The following SPOCK1 variants were observed in gnomAD, a reference collection of about 807,000 sequenced individuals.
The protein encoded by SPOCK1 is testican-1.
Under a neutral mutation model 55.3 loss-of-function variants are expected in SPOCK1, and 23 were observed. The observed-to-expected ratio is 0.42, with a 90% CI of 0.30 to 0.59. SPOCK1 has a LOEUF of 0.59. Ranked by LOEUF, SPOCK1 falls within the 20% of genes least tolerant of loss-of-function variation. SPOCK1 has a pLI of 0.22. For missense variants in SPOCK1, 499 were observed against 552.5 expected (o/e 0.90, Z 0.97); for synonymous variants, 226 against 221.0 (o/e 1.02, Z -0.20).
At chr5:137,048,268 G>GGAGTC (rs1298115907) in intron 6 of SPOCK1, among the ~76,000 whole-genome samples, 1 of 121,486 alleles carries the variant, frequency 8.2e-6, no homozygotes, top group Non-Finnish European at 1.7e-5. Flanking sequence ...TTAATGTGTG[G>GGAGTC]GAGTCTAAGT....
At chr5:137,362,534 T>C (rs1449225407) in intron 2 of SPOCK1, among the ~76,000 whole-genome samples, 1 of 151,886 alleles carries the variant, frequency 6.6e-6, no homozygotes, top group Non-Finnish European at 1.5e-5. Context: ...TTCACCATGT[T>C]AGCCAGGATG....
intron 2 of SPOCK1, among the ~76,000 whole-genome samples, chr5:137,453,486 G>A (rs1295775399): frequency 2.0e-5 from 3 of 152,052 alleles, no homozygotes; most frequent in African/African-American, 7.2e-5. Flanking sequence ...AAATATCAAG[G>A]CACTGAAAGC....
chr5:137,066,232 G>A (rs372864863), intron 6 of SPOCK1, among the ~76,000 whole-genome samples: 12 of 152,136 alleles, frequency 7.9e-5, no homozygotes, highest in African/African-American at 2.7e-4. Context: ...TCCACCTCCC[G>A]AGTTCAAGCA....
chr5:137,474,514 T>C (rs1208077161), intron 2 of SPOCK1, among the ~76,000 whole-genome samples: 1 of 152,232 alleles, frequency 6.6e-6, no homozygotes, highest in Non-Finnish European at 1.5e-5. Context: ...CAAGTGCTGA[T>C]AGCGACCTGC....
chr5:137,211,637 T>C (rs1423446862), intron 3 of SPOCK1, among the ~76,000 whole-genome samples: 1 of 152,094 alleles, frequency 6.6e-6, no homozygotes, highest in African/African-American at 2.4e-5. Flanking sequence ...TGGGGACTGG[T>C]CACCAGAAAG....
chr5:137,051,064 C>T (rs1290962042), intron 6 of SPOCK1, among the ~76,000 whole-genome samples: 4 of 152,004 alleles, frequency 2.6e-5, no homozygotes, highest in Admixed American at 6.5e-5. Context: ...TGAATATCGT[C>T]GGAGAGAATA....
At chr5:137,217,481 T>C (rs1475034866) in intron 3 of SPOCK1, among the ~76,000 whole-genome samples, 1 of 152,222 alleles carries the variant, frequency 6.6e-6, no homozygotes, top group African/African-American at 2.4e-5. Flanking sequence ...ACATGGACTC[T>C]GCGATTGCTT....
At chr5:137,371,240 C>A (rs1454355932) in intron 2 of SPOCK1, among the ~76,000 whole-genome samples, 1 of 152,234 alleles carries the variant, frequency 6.6e-6, no homozygotes, top group Non-Finnish European at 1.5e-5. Context: ...AGCTCCCTCA[C>A]GTCCTGGCTG....
chr5:137,391,095 G>A (rs549567847), intron 2 of SPOCK1, among the ~76,000 whole-genome samples: 28 of 151,988 alleles, frequency 1.8e-4, no homozygotes, highest in Middle Eastern at 3.4e-3. Flanking sequence ...GTGTGATGTC[G>A]CCCTCCCTGA....
At chr5:137,351,871 G>C (rs1015918852) in intron 2 of SPOCK1, among the ~76,000 whole-genome samples, 4 of 152,232 alleles carry the variant, frequency 2.6e-5, no homozygotes, top group African/African-American at 7.2e-5. Context: ...TGGGCATGTA[G>C]GAGCATGAAT....
At chr5:137,311,481 T>A (rs527653584) in intron 2 of SPOCK1, among the ~76,000 whole-genome samples, 2 of 152,360 alleles carry the variant, frequency 1.3e-5, no homozygotes, top group Admixed American at 6.5e-5. Context: ...CAAGCATATA[T>A]AACAGATAAG....
At chr5:137,481,879 A>G (rs1753957745) in intron 2 of SPOCK1, among the ~76,000 whole-genome samples, 1 of 151,970 alleles carries the variant, frequency 6.6e-6, no homozygotes, top group Non-Finnish European at 1.5e-5. Flanking sequence ...CTTTAACTCA[A>G]GACTGGAAAG....
At chr5:137,474,334 G>A (rs1052948876) in intron 2 of SPOCK1, among the ~76,000 whole-genome samples, 1 of 152,146 alleles carries the variant, frequency 6.6e-6, no homozygotes, top group African/African-American at 2.4e-5. Context: ...CAATAAATAA[G>A]TAAATGTATT....
At chr5:137,385,053 C>T (rs576799837) in intron 2 of SPOCK1, among the ~76,000 whole-genome samples, 4 of 152,138 alleles carry the variant, frequency 2.6e-5, no homozygotes, top group Admixed American at 6.5e-5. Context: ...GCATGCTTTG[C>T]ACAGTATCAG....
chr5:137,282,544 C>G (rs1269030430), intron 2 of SPOCK1, among the ~76,000 whole-genome samples: 1 of 152,196 alleles, frequency 6.6e-6, no homozygotes, highest in Non-Finnish European at 1.5e-5. Flanking sequence ...GGAACAGACC[C>G]AGCAGGAAGG....
chr5:137,037,783 G>A (rs1222339148), intron 6 of SPOCK1, among the ~76,000 whole-genome samples: 1 of 152,212 alleles, frequency 6.6e-6, no homozygotes, highest in Non-Finnish European at 1.5e-5. Context: ...AGAAACTCCA[G>A]TTGCTTACCC....
At chr5:137,165,941 C>T (rs1349973583) in intron 3 of SPOCK1, among the ~76,000 whole-genome samples, 2 of 152,062 alleles carry the variant, frequency 1.3e-5, no homozygotes, top group Non-Finnish European at 2.9e-5. Context: ...AAGGGCACAT[C>T]TAAGAGTTAT....
chr5:137,344,764 T>C (rs1176846955), intron 2 of SPOCK1, among the ~76,000 whole-genome samples: 1 of 152,254 alleles, frequency 6.6e-6, no homozygotes, highest in Non-Finnish European at 1.5e-5. Context: ...AAACGCAGGT[T>C]TCTGGATTCT....
At chr5:137,482,060 T>C (rs776263911) in intron 2 of SPOCK1, among the ~76,000 whole-genome samples, 7 of 152,174 alleles carry the variant, frequency 4.6e-5, no homozygotes, top group Non-Finnish European at 8.8e-5. Flanking sequence ...AGGGCAGAGA[T>C]AGCAACCCAT....
Sources: gnomAD v4.1 joint callset for allele counts (sites outside exome capture counted in the v4.1 genomes callset) on GRCh38, gnomAD v4.1.1 for gene constraint, MANE v1.5 for transcripts, NCBI Gene and HGNC (gene_info 2026-07-23, HGNC 2026-07-21) for gene names.